Variants in KDM1B observed in about 807,000 individuals in gnomAD.
The protein encoded by KDM1B is lysine demethylase 1B, also known as lysine-specific histone demethylase 2.
Under a neutral mutation model 107.4 loss-of-function variants are expected in KDM1B, and 63 were observed. That is an observed-to-expected ratio of 0.59 (90% CI 0.48 to 0.72). The LOEUF is 0.72. Ranked by LOEUF, KDM1B falls within the 30% of genes least tolerant of loss-of-function variation. The pLI is 0.00. For synonymous variants in KDM1B, 363 were observed against 363.9 expected, an observed-to-expected ratio of 1.00 and a Z score of 0.03; for missense variants, 749 against 1,020.8, an observed-to-expected ratio of 0.73 and a Z score of 3.63.
rs888720922 is a variant in KDM1B, at chr6:18,214,730, T to C, written c.2110-277T>C. On this transcript the variant is annotated intron_variant, in intron 19 of 21. Coordinates refer to ENST00000650836, the MANE Select transcript of KDM1B (RefSeq NM_001364614.2). This position sits in a 1 kb window ranked among gnomAD's most constrained non-coding sequence, Gnocchi z 4.4. ...TTTGAGACCAGTCTGGCCAACATGG[T>C]GAAACCCTGTCTCTACTAAAAATAC... Among the ~76,000 whole-genome samples, 3 of 152,070 alleles carry C rather than the reference T, an allele frequency of 2.0e-5. No individual in the cohort carries two copies. Among genetic ancestry groups the C allele is most frequent in the African/African-American group, 7.2e-5 (3 of 41,386 alleles).
intron 21 of KDM1B, among the ~76,000 whole-genome samples, chr6:18,221,403 A>G (rs978739238): frequency 6.6e-6 from 1 of 152,030 alleles, no homozygotes; most frequent in African/African-American, 2.4e-5. Context: ...AGGTTCTCCT[A>G]TTATTGAGTC....
Position 18,162,543 on chromosome 6 carries a change from C to T in KDM1B, c.216-292C>T, listed in dbSNP as rs1785037035. Among the ~76,000 whole-genome samples the T allele has an allele frequency of 6.6e-6, 1 of 152,158 alleles. No homozygotes were observed. The highest frequency in any genetic ancestry group is 1.5e-5 in the Non-Finnish European group (1 of 68,036). ...CCACATATGCAGCCTGCAGCAAGCA[C>T]AGTGGCATCTGTCCTTTTGTGTCAT... On this transcript the variant is annotated intron_variant, in intron 4 of 21. Transcript: ENST00000650836. The surrounding 1 kb of genome is among the most constrained non-coding windows in gnomAD (Gnocchi z 4.1).
chr6:18,210,596 A>G (rs1027963711), intron 17 of KDM1B, among the ~76,000 whole-genome samples: 14 of 151,852 alleles, frequency 9.2e-5, no homozygotes, highest in African/African-American at 3.1e-4. Context: ...CGTGGTCTTA[A>G]GCAATCCTCT....
chr6:18,195,821 T>A (rs1787612980), intron 10 of KDM1B, among the ~76,000 whole-genome samples: 1 of 152,100 alleles, frequency 6.6e-6, no homozygotes, highest in African/African-American at 2.4e-5. Context: ...ATCATATAGT[T>A]ACCTTTTTTG....
chr6:18,217,016 C>T (rs2063421606), intron 20 of KDM1B, among the ~76,000 whole-genome samples: 1 of 152,118 alleles, frequency 6.6e-6, no homozygotes, highest in South Asian at 2.1e-4. Context: ...TTGTGGAGAA[C>T]CCTGTTGAGA....
chr6:18,222,287 C>T lies in KDM1B; in HGVS notation c.*295C>T, dbSNP rs1430802910. ...AGTTGAGGCCATGGATTTGATTGTT[C>T]CATGGCTGGAAGTTCCCTTTAGATT... On this transcript the variant is annotated 3_prime_UTR_variant, in exon 22 of 22. Coordinates refer to ENST00000650836, the MANE Select transcript of KDM1B (RefSeq NM_001364614.2). 1.7e-5 allele frequency: 8 copies of T among 475,530 alleles called. No individual in the cohort carries two copies. The highest frequency in any genetic ancestry group is 3.2e-5 in the Non-Finnish European group (8 of 252,462). The allele number at this position is 475,530 out of a possible 1,614,324, so 29.5% of individuals were successfully genotyped here.
chr6:18,167,933 T>C lies in KDM1B; in HGVS notation c.417+1555T>C, dbSNP rs1176093678. ...TGCACCACCATGTCCAGCTAATTTGTTAATTCTTTATAGAGACAGGACTCG... is the reference window on the plus strand; with the variant it reads ...TGCACCACCATGTCCAGCTAATTTGCTAATTCTTTATAGAGACAGGACTCG... On this transcript the variant is annotated intron_variant, in intron 6 of 21. Coordinates refer to ENST00000650836, the MANE Select transcript of KDM1B (RefSeq NM_001364614.2). Among the ~76,000 whole-genome samples, 7 of 151,738 alleles carry C rather than the reference T, an allele frequency of 4.6e-5. No homozygotes were observed. The East Asian group carries it at 1.2e-3, about 25-fold the overall frequency.
chr6:18,155,974 G>A lies in KDM1B; in HGVS notation c.-14+48G>A, dbSNP rs1318353310. On this transcript the variant is annotated intron_variant, in intron 2 of 21. Transcript: ENST00000650836. The surrounding 1 kb of genome is among the most constrained non-coding windows in gnomAD (Gnocchi z 6.2). ...CTCCGACTTCGAAAAGCTTCCGAAA[G>A]CTTCTCGGAAAGCGAGGCGGCTGCA... is the stretch of plus-strand genomic sequence containing the variant. 1 of 152,336 alleles carries A rather than the reference G, an allele frequency of 6.6e-6. No individual in the cohort carries two copies. Among genetic ancestry groups the A allele is most frequent in the Non-Finnish European group, 1.5e-5 (1 of 68,140 alleles). The allele number at this position is 152,336 out of a possible 1,614,324, so 9.4% of individuals were successfully genotyped here. A position where few individuals can be genotyped will look rare whatever the true frequency, so the allele number is the denominator to read the frequency against.
chr6:18,179,840 G>GATAT (rs1561921251), intron 7 of KDM1B, among the ~76,000 whole-genome samples: 2 of 79,380 alleles, frequency 2.5e-5, no homozygotes, highest in South Asian at 4.1e-4. Flanking sequence ...TTTAGCATTG[G>GATAT]TTTTTTTTCC....
intron 10 of KDM1B, among the ~76,000 whole-genome samples, chr6:18,196,351 T>G (rs1335954118): frequency 2.6e-5 from 4 of 151,928 alleles, no homozygotes; most frequent in African/African-American, 9.7e-5. Context: ...GCAGTGGGGG[T>G]TGCTGGATCG....
intron 21 of KDM1B, among the ~76,000 whole-genome samples, chr6:18,221,271 T>C (rs1289470332): frequency 6.6e-6 from 1 of 152,158 alleles, no homozygotes. Context: ...GCTACCCCTT[T>C]CCACAGCCAC....
At chr6:18,157,855 G>A (rs1034257886) in intron 2 of KDM1B, among the ~76,000 whole-genome samples, 5 of 130,892 alleles carry the variant, frequency 3.8e-5, no homozygotes, top group Admixed American at 3.6e-4. Flanking sequence ...CTCTGTTGCC[G>A]AGGCTGGAGT....
intron 7 of KDM1B, among the ~76,000 whole-genome samples, chr6:18,182,246 C>T (rs1786531391): frequency 6.6e-6 from 1 of 152,122 alleles, no homozygotes; most frequent in African/African-American, 2.4e-5. Flanking sequence ...ACCCCAGTCA[C>T]CCTCCTTTGA....
chr6:18,218,003 C>T, intron 21 of KDM1B, 118 bp downstream of exon 21: 1 of 1,076,492 alleles, frequency 9.3e-7, no homozygotes, highest in Non-Finnish European at 1.3e-6. Context: ...CTTATGACCA[C>T]AGACAGCAGA....
In KDM1B at chr6:18,200,650, A is replaced by C. The variant is rs1162013254; in HGVS notation, c.1359+74A>C. On this transcript the variant is annotated intron_variant, in intron 13 of 21. Coordinates refer to ENST00000650836, the MANE Select transcript of KDM1B (RefSeq NM_001364614.2). This position sits in a 1 kb window ranked among gnomAD's most constrained non-coding sequence, Gnocchi z 4.3. ...TTCAATTTGCTTGTGTGCAGTATTA[A>C]TATGCTTCTAAAGTAAATTACATAT... is the stretch of plus-strand genomic sequence containing the variant. 18 of 1,415,900 alleles carry C rather than the reference A, an allele frequency of 1.3e-5. No individual in the cohort carries two copies. The highest frequency in any genetic ancestry group is 1.7e-5 in the Non-Finnish European group (18 of 1,042,420). The allele number at this position is 1,415,900 out of a possible 1,614,324, so 87.7% of individuals were successfully genotyped here.
chr6:18,164,885 ATCCTCCCACCTTG>A (rs1278705096), intron 5 of KDM1B, among the ~76,000 whole-genome samples: 2 of 152,110 alleles, frequency 1.3e-5, no homozygotes, highest in African/African-American at 4.8e-5. Context: ...GCCTCATGTG[ATCCTCCCACCTTG>A]TCCTCCCAAA....
At chr6:18,196,517 G>A (rs1787665352) in intron 10 of KDM1B, among the ~76,000 whole-genome samples, 1 of 152,064 alleles carries the variant, frequency 6.6e-6, no homozygotes, top group African/African-American at 2.4e-5. Context: ...ATTTTAACAG[G>A]TGTGAGGTGA....
At chr6:18,210,299 T>A (rs2151013472) in intron 17 of KDM1B, among the ~76,000 whole-genome samples, 1 of 151,276 alleles carries the variant, frequency 6.6e-6, no homozygotes, top group Non-Finnish European at 1.5e-5. Flanking sequence ...ATTTGCCTAT[T>A]TGTTTACCCA....
rs547134932 is a variant in KDM1B at position 18,177,109 on chromosome 6, T to C, written c.534+5630T>C. Among the ~76,000 whole-genome samples the C allele has an allele frequency of 2.0e-3, 304 of 152,302 alleles. 1 individual carries two copies. Among genetic ancestry groups the C allele is most frequent in the Non-Finnish European group, 2.5e-3 (170 of 68,010 alleles). ...TCCATCTGGTCCTGGACTTTTTTTG[T>C]TGGTAATCTTTTAATTACCATTTCA... On this transcript the variant is annotated intron_variant, in intron 7 of 21. Coordinates refer to ENST00000650836, the MANE Select transcript of KDM1B (RefSeq NM_001364614.2).
Sources: allele counts gnomAD v4.1 joint callset (sites outside exome capture counted in the v4.1 genomes callset), GRCh38; gene constraint gnomAD v4.1.1; non-coding constraint Gnocchi (gnomAD v3.1); transcripts MANE v1.5; gene names NCBI Gene and HGNC (gene_info 2026-07-23, HGNC 2026-07-21).